The following PARP8 variants were observed in gnomAD, a reference collection of about 807,000 sequenced individuals.
PARP8 encodes protein mono-ADP-ribosyltransferase PARP8.
PARP8 carries 51 observed loss-of-function variants against 124.1 expected under a neutral mutation model. That is an observed-to-expected ratio of 0.41 (90% confidence interval 0.33 to 0.52). The LOEUF is 0.52. PARP8 is among the 20% of genes least tolerant of loss of function. PARP8 has a pLI of 0.21. For synonymous variants in PARP8, 391 were observed against 361.5 expected (o/e 1.08, Z -0.93); for missense variants, 860 against 1,018.9 (o/e 0.84, Z 2.12).
chr5:50,833,881 T>G, intron 23 of PARP8, 98 bp from the exon 24 acceptor site: 1 of 851,832 alleles, frequency 1.2e-6, no homozygotes, highest in Non-Finnish European at 1.9e-6. Flanking sequence ...TTTTTTGACC[T>G]GGAGCCATCT....
intron 2 of PARP8, among the ~76,000 whole-genome samples, chr5:50,712,668 T>G (rs1397889664): frequency 2.0e-5 from 3 of 151,994 alleles, no homozygotes; most frequent in East Asian, 3.9e-4. Context: ...AGAGCAGGGA[T>G]GAGATAAAGC....
chr5:50,670,985 CT>C (rs984579408), intron 2 of PARP8, among the ~76,000 whole-genome samples: 4 of 152,200 alleles, frequency 2.6e-5, no homozygotes, highest in Non-Finnish European at 4.4e-5. Context: ...GATAATCCCC[CT>C]GATTCCCAGA....
intron 2 of PARP8, among the ~76,000 whole-genome samples, chr5:50,708,377 A>G (rs1361099446): frequency 2.0e-5 from 3 of 152,116 alleles, no homozygotes; most frequent in Non-Finnish European, 4.4e-5. Context: ...CTTTGTAAAG[A>G]AAACTTTATT....
Position 50,794,330 on chromosome 5 carries a change from C to T in PARP8, c.861C>T (p.Arg287=), listed in dbSNP as rs1280555890. 2 of 1,612,390 alleles carry T rather than the reference C, an allele frequency of 1.2e-6. No individual in the cohort carries two copies. The highest frequency in any genetic ancestry group is 1.7e-6 in the Non-Finnish European group (2 of 1,179,060). ...CCCTGCATTTATTTTCTACTTTGCG[C>T]AGGTTGGTAACAGGCAACTTCGTCA... ...KSPLHLFSTL[R]RSPSYPPPGC... Residue 287 remains arginine (R), a splice_region_variant and synonymous_variant, in exon 11 of 26, where the codon CGC becomes CGT. Transcript: ENST00000281631.
intron 2 of PARP8, among the ~76,000 whole-genome samples, chr5:50,730,337 C>A (rs936756639): frequency 7.2e-5 from 11 of 152,058 alleles, no homozygotes; most frequent in African/African-American, 2.7e-4. Context: ...GTTCAACAGG[C>A]CTGGGGAGGC....
intron 2 of PARP8, among the ~76,000 whole-genome samples, chr5:50,687,827 C>T (rs936870425): frequency 3.3e-5 from 5 of 152,156 alleles, no homozygotes; most frequent in Non-Finnish European, 5.9e-5. Context: ...ATTCAATTAC[C>T]TCCCACAGGG....
chr5:50,727,857 G>T (rs1325390589), intron 2 of PARP8, among the ~76,000 whole-genome samples: 1 of 152,054 alleles, frequency 6.6e-6, no homozygotes, highest in Non-Finnish European at 1.5e-5. Context: ...GGTGTGGTCC[G>T]CCTTCAGAGT....
chr5:50,739,770 C>T (rs1228626436), intron 2 of PARP8, among the ~76,000 whole-genome samples: 2 of 109,166 alleles, frequency 1.8e-5, no homozygotes, highest in Non-Finnish European at 3.4e-5. Context: ...GAGTCTTGCT[C>T]TGTCACCCAC....
chr5:50,668,295 G>A, intron 2 of PARP8, 170 bp downstream of exon 2: 2 of 639,578 alleles, frequency 3.1e-6, no homozygotes, highest in Admixed American at 5.1e-5. Context: ...AGCAGGAGGA[G>A]GGGAATCAAT....
At chr5:50,720,469 G>GT (rs996415263) in intron 2 of PARP8, among the ~76,000 whole-genome samples, 1 of 151,954 alleles carries the variant, frequency 6.6e-6, no homozygotes, top group Non-Finnish European at 1.5e-5. Flanking sequence ...ATGGTCCTGG[G>GT]TGGTATCCCT....
intron 16 of PARP8, 45 bp downstream of exon 16, chr5:50,821,383 A>C: frequency 6.2e-7 from 1 of 1,601,038 alleles, no homozygotes; most frequent in Non-Finnish European, 8.6e-7. Flanking sequence ...TTTCTTTAAC[A>C]ATAACAACAA....
intron 2 of PARP8, among the ~76,000 whole-genome samples, chr5:50,722,069 T>C (rs1003909284): frequency 3.3e-5 from 5 of 152,140 alleles, no homozygotes; most frequent in African/African-American, 1.2e-4. Context: ...AATTAAAATA[T>C]GTTACAGTTT....
intron 15 of PARP8, among the ~76,000 whole-genome samples, chr5:50,819,308 C>T (rs1580451769): frequency 1.3e-5 from 2 of 151,164 alleles, no homozygotes; most frequent in South Asian, 4.2e-4. Flanking sequence ...AATGCATGGA[C>T]TTTTATAAAA....
At chr5:50,735,630 T>C (rs564714958) in intron 2 of PARP8, among the ~76,000 whole-genome samples, 2 of 152,272 alleles carry the variant, frequency 1.3e-5, no homozygotes, top group South Asian at 4.1e-4. Flanking sequence ...TCATTCAATG[T>C]CCCTGACAAG....
chr5:50,800,688 TATG>T (rs1743103708), intron 14 of PARP8, among the ~76,000 whole-genome samples: 1 of 152,106 alleles, frequency 6.6e-6, no homozygotes, highest in Non-Finnish European at 1.5e-5. Context: ...ATGCTATTAA[TATG>T]ATGTATTACA....
chr5:50,738,040 A>G (rs1236319136), intron 2 of PARP8, among the ~76,000 whole-genome samples: 2 of 152,222 alleles, frequency 1.3e-5, no homozygotes, highest in African/African-American at 2.4e-5. Flanking sequence ...ACCACTTAGA[A>G]ATACCATTCT....
At position 50,794,171 on chromosome 5, in the gene PARP8, G is replaced by A. The variant is rs200116436; in HGVS notation, c.738-36G>A. The A allele has an allele frequency of 1.9e-3, 2,934 of 1,584,450 alleles. 4 individuals are homozygous for A. Among genetic ancestry groups the A allele is most frequent in the Non-Finnish European group, 2.3e-3 (2,689 of 1,163,204 alleles). ...CAGTAACATTAATTGAAATTGCCTT[G>A]GAATGGTGATAACAGAATTACCTTT... On this transcript the variant is annotated intron_variant, in intron 10 of 25. Coordinates refer to ENST00000281631, the MANE Select transcript of PARP8 (RefSeq NM_024615.4).
intron 10 of PARP8, among the ~76,000 whole-genome samples, chr5:50,789,219 G>A (rs1741661505): frequency 6.6e-6 from 1 of 151,942 alleles, no homozygotes; most frequent in African/African-American, 2.4e-5. Flanking sequence ...TGATCTTTAA[G>A]TCTATTTTAT....
At chr5:50,809,283 C>G (rs1744184876) in intron 14 of PARP8, among the ~76,000 whole-genome samples, 1 of 151,956 alleles carries the variant, frequency 6.6e-6, no homozygotes, top group South Asian at 2.1e-4. Flanking sequence ...GAATTAAAGG[C>G]TTCTAAGTTT....
Sources: gnomAD v4.1 joint callset for allele counts (sites outside exome capture counted in the v4.1 genomes callset) on GRCh38, gnomAD v4.1.1 for gene constraint, MANE v1.5 for transcripts, NCBI Gene and HGNC (gene_info 2026-07-23, HGNC 2026-07-21) for gene names.